The following LRP1B variants were observed in gnomAD, a reference collection of about 807,000 sequenced individuals.
LRP1B encodes the protein LDL receptor related protein 1B, also known as low-density lipoprotein receptor-related protein 1B.
A neutral mutation model predicts 556.6 loss-of-function variants in LRP1B; 217 were observed. The ratio of observed to expected loss-of-function variants is 0.39; its 90% CI spans 0.35 to 0.44. The LOEUF (loss-of-function observed/expected upper bound fraction) is 0.44. LRP1B is among the 20% of genes least tolerant of loss of function. The pLI is 1.00. For missense variants in LRP1B, 5,053 were observed against 5,620.8 expected, an observed-to-expected ratio of 0.90 and a Z score of 3.23; for synonymous variants, 2,047 against 1,865.8, an observed-to-expected ratio of 1.10 and a Z score of -2.50.
At chr2:140,511,722 G>A (rs745454339) in intron 51 of LRP1B, among the ~76,000 whole-genome samples, 1 of 152,122 alleles carries the variant, frequency 6.6e-6, no homozygotes, top group Non-Finnish European at 1.5e-5. Flanking sequence ...TTATTTAACT[G>A]AGGATCTATT....
chr2:140,430,055 G>A (rs1022921166), intron 66 of LRP1B, among the ~76,000 whole-genome samples: 1 of 152,058 alleles, frequency 6.6e-6, no homozygotes, highest in Non-Finnish European at 1.5e-5. Context: ...TGACACACCT[G>A]AAATTCACTC....
rs114468479 is a variant in LRP1B at position 141,614,546 on chromosome 2, T to C, written c.206-134013A>G. Among the ~76,000 whole-genome samples the C allele has an allele frequency of 2.9e-3, 448 of 152,234 alleles. 3 individuals are homozygous for C. Among genetic ancestry groups the C allele is most frequent in the African/African-American group, 0.01 (433 of 41,550 alleles). ...TCATTAGGGTGGACCTTAATACCAA[T>C]GTGACTGGTAGAAGAAGGAGATTGA... On this transcript the variant is annotated intron_variant, in intron 2 of 90. Coordinates refer to ENST00000389484, the MANE Select transcript of LRP1B (RefSeq NM_018557.3).
intron 66 of LRP1B, among the ~76,000 whole-genome samples, chr2:140,407,195 A>C (rs1315911888): frequency 6.6e-6 from 1 of 152,142 alleles, no homozygotes; most frequent in Non-Finnish European, 1.5e-5. Flanking sequence ...TCAGTTCAAG[A>C]GGGATCAAAG....
At chr2:140,587,007 T>C (rs778815128) in intron 43 of LRP1B, among the ~76,000 whole-genome samples, 1 of 151,496 alleles carries the variant, frequency 6.6e-6, no homozygotes, top group Admixed American at 6.6e-5. Flanking sequence ...GTAAAAAAAA[T>C]AGAAGAAAGA....
chr2:141,241,076 C>A (rs1683852727), intron 5 of LRP1B, among the ~76,000 whole-genome samples: 1 of 151,762 alleles, frequency 6.6e-6, no homozygotes, highest in Non-Finnish European at 1.5e-5. Context: ...GATTTTGTAC[C>A]CCAGCACTGA....
intron 2 of LRP1B, among the ~76,000 whole-genome samples, chr2:141,744,240 T>C (rs889591641): frequency 5.9e-5 from 9 of 152,162 alleles, no homozygotes; most frequent in Non-Finnish European, 8.8e-5. Flanking sequence ...TTTTCATTGA[T>C]CTACTTGTCA....
At chr2:141,605,226 G>T (rs2105314609) in intron 2 of LRP1B, among the ~76,000 whole-genome samples, 1 of 152,028 alleles carries the variant, frequency 6.6e-6, no homozygotes, top group South Asian at 2.1e-4. Context: ...AGATAACAAT[G>T]GTTTTGTATT....
chr2:141,262,292 T>C (rs148021355), intron 3 of LRP1B, among the ~76,000 whole-genome samples: 1 of 149,000 alleles, frequency 6.7e-6, no homozygotes, highest in Admixed American at 6.7e-5. Context: ...TGTGTGTGTG[T>C]GCGTGCATGT....
At chr2:141,547,148 C>G (rs1685584026) in intron 2 of LRP1B, among the ~76,000 whole-genome samples, 1 of 152,130 alleles carries the variant, frequency 6.6e-6, no homozygotes, top group Admixed American at 6.6e-5. Context: ...ACCTCTCAAA[C>G]TGGTTCTTCT....
At chr2:140,993,286 A>C (rs978178503) in intron 16 of LRP1B, among the ~76,000 whole-genome samples, 2 of 152,102 alleles carry the variant, frequency 1.3e-5, no homozygotes, top group African/African-American at 4.8e-5. Context: ...AATATTTTAT[A>C]TCTCTCAAAA....
intron 3 of LRP1B, among the ~76,000 whole-genome samples, chr2:141,269,305 G>T (rs1031514543): frequency 6.6e-6 from 1 of 152,126 alleles, no homozygotes; most frequent in Non-Finnish European, 1.5e-5. Flanking sequence ...ACCACTGTGG[G>T]TTTAGAACAA....
chr2:140,750,113 C>T (rs72925888), intron 35 of LRP1B, among the ~76,000 whole-genome samples: 44,757 of 144,148 alleles, frequency 0.31, 6,661 homozygotes, highest in South Asian at 0.41. Context: ...CACACACACA[C>T]ATTTCAGTAC....
intron 2 of LRP1B, among the ~76,000 whole-genome samples, chr2:141,760,799 A>G (rs955278513): frequency 9.2e-5 from 14 of 152,238 alleles, no homozygotes; most frequent in Admixed American, 9.2e-4. Context: ...CTTACAGACG[A>G]TGGCTAACAT....
intron 35 of LRP1B, among the ~76,000 whole-genome samples, chr2:140,741,754 C>T (rs1166687753): frequency 6.7e-6 from 1 of 149,188 alleles, no homozygotes; most frequent in African/African-American, 2.5e-5. Flanking sequence ...TCTGTTTCTG[C>T]ATTAATTCAT....
At chr2:141,436,994 T>C (rs1238296993) in intron 3 of LRP1B, among the ~76,000 whole-genome samples, 1 of 152,136 alleles carries the variant, frequency 6.6e-6, no homozygotes, top group Non-Finnish European at 1.5e-5. Flanking sequence ...TTATGAGATA[T>C]ATGCAGCAGT....
intron 85 of LRP1B, 60 bp from the exon 86 acceptor site, chr2:140,270,406 G>A: frequency 9.3e-7 from 1 of 1,080,892 alleles, no homozygotes; most frequent in South Asian, 1.3e-5. Flanking sequence ...ATTGCTGAAA[G>A]CTGACATAAA....
intron 76 of LRP1B, 60 bp downstream of exon 76, chr2:140,352,893 C>T: frequency 6.8e-7 from 1 of 1,479,378 alleles, no homozygotes; most frequent in Non-Finnish European, 9.2e-7. Context: ...AAACATTTTT[C>T]TCCATAAAAT....
At chr2:141,392,592 C>T (rs775434373) in intron 3 of LRP1B, among the ~76,000 whole-genome samples, 13 of 151,554 alleles carry the variant, frequency 8.6e-5, no homozygotes, top group Admixed American at 2.6e-4. Context: ...GTTAATGACA[C>T]GAAGAATGTA....
chr2:141,482,086 C>T (rs965868507), intron 2 of LRP1B, among the ~76,000 whole-genome samples: 2 of 151,660 alleles, frequency 1.3e-5, no homozygotes. Flanking sequence ...TTAGGATATG[C>T]AAAATTGTGA....
Sources: gnomAD v4.1 joint callset for allele counts (sites outside exome capture counted in the v4.1 genomes callset) on GRCh38, gnomAD v4.1.1 for gene constraint, MANE v1.5 for transcripts, NCBI Gene and HGNC (gene_info 2026-07-23, HGNC 2026-07-21) for gene names.